Variants in CFAP47 observed in about 807,000 individuals in gnomAD.
The protein encoded by CFAP47 is cilia- and flagella-associated protein 47.
CFAP47 carries 29 observed loss-of-function variants against 148.1 expected under a neutral mutation model. The observed-to-expected ratio is 0.20, with a 90% confidence interval of 0.15 to 0.27. The LOEUF is 0.27. Ranked by LOEUF, CFAP47 falls within the 10% of genes least tolerant of loss-of-function variation. The pLI, the probability that CFAP47 is intolerant of heterozygous loss-of-function variation, is 1.00. For missense variants in CFAP47, 1,872 were observed against 1,697.5 expected, an observed-to-expected ratio of 1.10 and a Z score of -1.81; for synonymous variants, 664 against 577.3, an observed-to-expected ratio of 1.15 and a Z score of -2.15.
intron 45 of CFAP47, among the ~76,000 whole-genome samples, chrX:36,215,878 G>A (rs890772665): frequency 9.9e-5 from 11 of 111,565 alleles, no homozygotes; most frequent in East Asian, 2.8e-4. Context: ...GGCCCTCTCC[G>A]GGGGAGGTCA....
At chrX:36,265,401 T>G (rs1465543180) in intron 49 of CFAP47, among the ~76,000 whole-genome samples, 1 of 112,011 alleles carries the variant, frequency 8.9e-6, no homozygotes, top group African/African-American at 3.2e-5. Context: ...TTTATTTCTT[T>G]ATCTTGTTTG....
At chrX:36,162,648 A>G (rs1027101135) in intron 39 of CFAP47, among the ~76,000 whole-genome samples, 2 of 111,802 alleles carry the variant, frequency 1.8e-5, no homozygotes, top group African/African-American at 6.5e-5. Context: ...AAATAAGGCA[A>G]TCCAGTCTAT....
chrX:36,136,740 C>T, intron 33 of CFAP47, among the ~76,000 whole-genome samples: 1 of 111,301 alleles, frequency 9.0e-6, no homozygotes, highest in East Asian at 2.8e-4. Flanking sequence ...GCCAATTATA[C>T]ATCAAAGCTG....
At chrX:36,011,123 T>C (rs1937034588) in intron 21 of CFAP47, among the ~76,000 whole-genome samples, 2 of 112,159 alleles carry the variant, frequency 1.8e-5, no homozygotes, top group Admixed American at 9.5e-5. Context: ...CTATGCATGG[T>C]CACTGAAGTG....
intron 49 of CFAP47, among the ~76,000 whole-genome samples, chrX:36,270,630 A>T (rs1240463868): frequency 9.6e-6 from 1 of 103,861 alleles, no homozygotes; most frequent in Non-Finnish European, 1.9e-5. Context: ...TATATAGTAT[A>T]TATATAATAT....
intron 45 of CFAP47, among the ~76,000 whole-genome samples, chrX:36,216,270 T>A (rs1264179289): frequency 8.9e-6 from 1 of 112,403 alleles, no homozygotes; most frequent in African/African-American, 3.2e-5. Flanking sequence ...AGTTACATTG[T>A]CAGTAGCATT....
chrX:35,931,182 T>C (rs928709239), intron 2 of CFAP47, among the ~76,000 whole-genome samples: 5 of 111,270 alleles, frequency 4.5e-5, no homozygotes, highest in African/African-American at 1.3e-4. Context: ...TCCTGGATTA[T>C]TTAGAAGTGT....
In CFAP47 at chrX:35,951,337, A is replaced by T; in HGVS notation, c.863A>T (p.Asp288Val). The part of the protein sequence containing the change: ...EPINWVAIIQ[D>V]DAVGEELGTD... Reference sequence around the variant, plus strand: ...ATAAATTGGGTGGCCATCATACAAGATGATGCCGTGGGAGAAGAATTGGTA... The same window carrying T: ...ATAAATTGGGTGGCCATCATACAAGTTGATGCCGTGGGAGAAGAATTGGTA... Residue 288 changes from aspartate (D) to valine (V), a missense_variant, in exon 5 of 64, where the codon GAT becomes GTT. Transcript: ENST00000378653. 1 of 1,192,801 alleles carries T rather than the reference A, an allele frequency of 8.4e-7. No homozygotes were observed. The highest frequency in any genetic ancestry group is 2.2e-5 in the Admixed American group (1 of 45,905).
At chrX:36,107,200 T>G in intron 33 of CFAP47, among the ~76,000 whole-genome samples, 1 of 112,159 alleles carries the variant, frequency 8.9e-6, no homozygotes, top group Non-Finnish European at 1.9e-5. Flanking sequence ...GTTAGACTCA[T>G]TAAGCAATAT....
chrX:35,970,998 G>A, intron 11 of CFAP47, 75 bp downstream of exon 11: 1 of 824,013 alleles, frequency 1.2e-6, no homozygotes, highest in Non-Finnish European at 1.7e-6. Context: ...TTAACTCCTT[G>A]GTTTCTTTTT....
intron 46 of CFAP47, among the ~76,000 whole-genome samples, chrX:36,233,582 T>C (rs1254346268): frequency 7.2e-5 from 8 of 111,832 alleles, no homozygotes; most frequent in Admixed American, 1.9e-4. Context: ...TGCCAGTCAG[T>C]GTGTTTTAAT....
intron 35 of CFAP47, chrX:36,144,847 C>T: frequency 2.0e-6 from 2 of 1,006,277 alleles, no homozygotes; most frequent in African/African-American, 1.9e-5. Context: ...AGGACTTGCA[C>T]CAGCAGCCTC....
Position 36,143,226 on chromosome X carries a change from C to T in CFAP47, c.5536-1993C>T, listed in dbSNP as rs781106478. ...TTTCTGTCAGTCTTTTGCCCAGGCA[C>T]CTTCGTTGGTAAGCCTTACTTCTAA... On this transcript the variant is annotated intron_variant, in intron 35 of 63. Coordinates refer to ENST00000378653, the MANE Select transcript of CFAP47 (RefSeq NM_001304548.2). Among the ~76,000 whole-genome samples, 303 of 111,917 alleles carry T rather than the reference C, an allele frequency of 2.7e-3. 2 individuals carry two copies. The highest frequency in any genetic ancestry group is 4.8e-3 in the Non-Finnish European group (258 of 53,201).
intron 34 of CFAP47, 140 bp downstream of exon 34, chrX:36,138,195 C>T: frequency 4.8e-6 from 3 of 620,879 alleles, no homozygotes; most frequent in Non-Finnish European, 6.9e-6. Flanking sequence ...ATGGCCAGCA[C>T]TACCTTTTTG....
chrX:36,231,483 A>C (rs1395859786), intron 46 of CFAP47, among the ~76,000 whole-genome samples: 2 of 110,362 alleles, frequency 1.8e-5, no homozygotes, highest in African/African-American at 6.6e-5. Flanking sequence ...ACTTTGCTGA[A>C]GTTGCTTATC....
intron 21 of CFAP47, among the ~76,000 whole-genome samples, chrX:36,009,176 A>T (rs992649026): frequency 9.0e-6 from 1 of 111,584 alleles, no homozygotes; most frequent in Admixed American, 9.6e-5. Flanking sequence ...TCAGATGAAG[A>T]TGACAGTTTG....
At position 36,373,586 on chromosome X, in the gene CFAP47, G is replaced by T. The variant is rs782639256; in HGVS notation, c.9186-5764G>T. Reference sequence around the variant, plus strand: ...TTTTATTTCTTTTACTTGCTTGATTGCTCTTGCTGATATTTCTAGTATGTT... The same window carrying T: ...TTTTATTTCTTTTACTTGCTTGATTTCTCTTGCTGATATTTCTAGTATGTT... On this transcript the variant is annotated intron_variant, in intron 62 of 63. Transcript: ENST00000378653. Among the ~76,000 whole-genome samples the T allele has an allele frequency of 2.0e-3, 224 of 111,120 alleles. 1 individual carries two copies. Among genetic ancestry groups the T allele is most frequent in the African/African-American group, 7.1e-3 (217 of 30,634 alleles).
chrX:35,940,351 T>C (rs1468649481), intron 2 of CFAP47, among the ~76,000 whole-genome samples: 1 of 111,100 alleles, frequency 9.0e-6, no homozygotes, highest in Non-Finnish European at 1.9e-5. Flanking sequence ...TTTGGTGTTT[T>C]AGACATGAAG....
At chrX:36,002,967 G>A (rs1359981076) in intron 21 of CFAP47, among the ~76,000 whole-genome samples, 1 of 111,274 alleles carries the variant, frequency 9.0e-6, no homozygotes, top group Non-Finnish European at 1.9e-5. Context: ...TTGCTATTTT[G>A]AAGTTCAGTA....
Sources: gnomAD v4.1 joint callset for allele counts (sites outside exome capture counted in the v4.1 genomes callset) on GRCh38, gnomAD v4.1.1 for gene constraint, MANE v1.5 for transcripts, NCBI Gene and HGNC (gene_info 2026-07-23, HGNC 2026-07-21) for gene names.